Variants in DLGAP1 observed in about 807,000 individuals in gnomAD.
The protein encoded by DLGAP1 is disks large-associated protein 1.
Under a neutral mutation model 90.8 loss-of-function variants are expected in DLGAP1, and 11 were observed. That is an observed-to-expected ratio of 0.12 (90% confidence interval 0.08 to 0.20). The LOEUF (loss-of-function observed/expected upper bound fraction) is 0.20, where lower values mean the gene tolerates loss of function less well. DLGAP1 is among the 10% of genes least tolerant of loss of function. The pLI, the probability that DLGAP1 is intolerant of heterozygous loss-of-function variation, is 1.00. For missense variants in DLGAP1, 1,050 were observed against 1,333.8 expected (o/e 0.79, Z 3.31); for synonymous variants, 558 against 540.7 (o/e 1.03, Z -0.44).
intron 7 of DLGAP1, among the ~76,000 whole-genome samples, chr18:3,628,388 C>T (rs564106651): frequency 6.6e-6 from 1 of 151,552 alleles, no homozygotes; most frequent in Non-Finnish European, 1.5e-5. Context: ...CGAGGTTTGA[C>T]CATGTCCGCC....
At chr18:4,223,346 C>T (rs1186742184) in intron 1 of DLGAP1, among the ~76,000 whole-genome samples, 1 of 151,988 alleles carries the variant, frequency 6.6e-6, no homozygotes, top group Non-Finnish European at 1.5e-5. Flanking sequence ...TTATATTTTC[C>T]AAATGGAAGA....
At chr18:3,862,123 G>C (rs996196740) in intron 4 of DLGAP1, among the ~76,000 whole-genome samples, 13 of 152,186 alleles carry the variant, frequency 8.5e-5, no homozygotes, top group South Asian at 2.1e-4. Context: ...GACACTCCAA[G>C]GGCCTTTCTG....
chr18:3,609,007 T>C (rs562036437), intron 7 of DLGAP1, among the ~76,000 whole-genome samples: 1 of 152,224 alleles, frequency 6.6e-6, no homozygotes, highest in South Asian at 2.1e-4. Context: ...GGCTAATTTT[T>C]ATACTTTTAG....
intron 1 of DLGAP1, among the ~76,000 whole-genome samples, chr18:4,175,865 C>T (rs1160251018): frequency 1.3e-5 from 2 of 152,046 alleles, no homozygotes; most frequent in Non-Finnish European, 2.9e-5. Flanking sequence ...TAGTGTGATG[C>T]CTCTAGCTTT....
chr18:4,179,247 G>A (rs1220356855), intron 1 of DLGAP1, among the ~76,000 whole-genome samples: 1 of 152,076 alleles, frequency 6.6e-6, no homozygotes, highest in Non-Finnish European at 1.5e-5. Context: ...CACGTGATAA[G>A]TGAAAGTCAC....
rs376082036 is a variant in DLGAP1, at chr18:3,634,244, T to C, written c.1592-51996A>G. Among the ~76,000 whole-genome samples, 25 of 152,262 alleles carry C rather than the reference T, an allele frequency of 1.6e-4. 1 individual carries two copies. In the East Asian group the frequency reaches 3.9e-3, roughly 23 times the overall value. ...CCCCCACTATAAATTTGTATACTTT[T>C]TTTGCATATATTAAAGAAAAAAATC... On this transcript the variant is annotated intron_variant, in intron 7 of 12. Transcript: ENST00000315677.
intron 2 of DLGAP1, among the ~76,000 whole-genome samples, chr18:4,079,562 T>C (rs563812918): frequency 2.0e-5 from 3 of 151,832 alleles, no homozygotes; most frequent in African/African-American, 7.2e-5. Flanking sequence ...AGGTAAGAGA[T>C]AAAAAACTAC....
At chr18:3,856,873 A>T (rs760368515) in intron 4 of DLGAP1, among the ~76,000 whole-genome samples, 1 of 152,082 alleles carries the variant, frequency 6.6e-6, no homozygotes, top group Non-Finnish European at 1.5e-5. Flanking sequence ...TCCAAAAAAA[A>T]AAAGAAACAC....
At chr18:4,227,211 A>G (rs1486703702) in intron 1 of DLGAP1, among the ~76,000 whole-genome samples, 1 of 152,054 alleles carries the variant, frequency 6.6e-6, no homozygotes. Flanking sequence ...ATTTAAAGCA[A>G]ATGTTAGACT....
At chr18:4,408,072 GGT>G (rs1163429369) in intron 1 of DLGAP1, among the ~76,000 whole-genome samples, 1 of 151,914 alleles carries the variant, frequency 6.6e-6, no homozygotes. Flanking sequence ...AAGTATTTGA[GGT>G]GTTGTGATAG....
chr18:4,299,885 T>C (rs1291956446), intron 1 of DLGAP1, among the ~76,000 whole-genome samples: 2 of 152,080 alleles, frequency 1.3e-5, no homozygotes, highest in African/African-American at 4.8e-5. Flanking sequence ...CTCTAAGGAA[T>C]CCCTAGAATC....
chr18:3,531,028 C>T (rs2051956777), intron 10 of DLGAP1, among the ~76,000 whole-genome samples: 1 of 152,070 alleles, frequency 6.6e-6, no homozygotes. Context: ...TTCCAGACTC[C>T]ATTTCATTAA....
chr18:4,003,437 G>GTTTT lies in DLGAP1; in HGVS notation c.-73+1675_-73+1678dup, dbSNP rs11457362. Among the ~76,000 whole-genome samples the GTTTT allele has an allele frequency of 1.2e-4, 16 of 130,376 alleles. 1 individual carries two copies. The highest frequency in any genetic ancestry group is 1.7e-4 in the African/African-American group (6 of 34,490). The allele number at this position is 130,376 out of a possible 152,430, so 85.5% of individuals were successfully genotyped here. ...TCTTTTTCAGGTGCTTAATATCATTGTTTTTTTTTTTTTTTTTGGAAGTTA... is the reference window on the plus strand; with the variant it reads ...TCTTTTTCAGGTGCTTAATATCATTGTTTTTTTTTTTTTTTTTTTTTGGAAGTTA... On this transcript the variant is annotated intron_variant, in intron 3 of 12. Transcript: ENST00000315677.
intron 2 of DLGAP1, among the ~76,000 whole-genome samples, chr18:4,142,671 T>C (rs1046264192): frequency 2.0e-5 from 3 of 152,346 alleles, no homozygotes; most frequent in South Asian, 2.1e-4. Flanking sequence ...AGAAGATTTA[T>C]AGAATATTAA....
At chr18:4,438,431 C>CAAAAAAAAAAA (rs11389361) in intron 1 of DLGAP1, among the ~76,000 whole-genome samples, 1 of 52,108 alleles carries the variant, frequency 1.9e-5, no homozygotes, top group Admixed American at 3.7e-4. Context: ...GACTCCATCT[C>CAAAAAAAAAAA]AAAAAAAAAA....
intron 1 of DLGAP1, among the ~76,000 whole-genome samples, chr18:4,231,302 T>C (rs1450086129): frequency 1.3e-5 from 2 of 152,158 alleles, no homozygotes; most frequent in African/African-American, 2.4e-5. Flanking sequence ...TTGCTCTCCA[T>C]TAGCCCCCTT....
intron 7 of DLGAP1, among the ~76,000 whole-genome samples, chr18:3,666,436 C>A (rs934978521): frequency 6.6e-6 from 1 of 152,162 alleles, no homozygotes; most frequent in Admixed American, 6.5e-5. Context: ...TAGGATTCTT[C>A]GGTGAAACTG....
At chr18:4,410,741 A>G (rs2082759599) in intron 1 of DLGAP1, among the ~76,000 whole-genome samples, 3 of 152,126 alleles carry the variant, frequency 2.0e-5, no homozygotes, top group Admixed American at 6.5e-5. Flanking sequence ...ATAGCAACAA[A>G]AGCAATCAAA....
At chr18:4,052,266 G>A (rs2075145571) in intron 2 of DLGAP1, among the ~76,000 whole-genome samples, 1 of 152,136 alleles carries the variant, frequency 6.6e-6, no homozygotes, top group African/African-American at 2.4e-5. Flanking sequence ...ATTCTCCTGA[G>A]GGATCTGCCC....
Sources: gnomAD v4.1 joint callset for allele counts (sites outside exome capture counted in the v4.1 genomes callset) on GRCh38, gnomAD v4.1.1 for gene constraint, MANE v1.5 for transcripts, NCBI Gene and HGNC (gene_info 2026-07-23, HGNC 2026-07-21) for gene names.